PARP1: variants seen among roughly 807,000 people sequenced by gnomAD.
PARP1 encodes the protein poly [ADP-ribose] polymerase 1.
PARP1 carries 44 observed loss-of-function variants against 118.7 expected under a neutral mutation model. That is an observed-to-expected ratio of 0.37 (90% confidence interval 0.29 to 0.48). The LOEUF is 0.48. PARP1 is among the 20% of genes least tolerant of loss of function. The pLI is 0.99. For synonymous variants in PARP1, 492 were observed against 483.2 expected, an observed-to-expected ratio of 1.02 and a Z score of -0.24; for missense variants, 1,100 against 1,272.4, an observed-to-expected ratio of 0.86 and a Z score of 2.06.
chr1:226,366,714 T>G (rs897769308), intron 17 of PARP1: 2 of 156,844 alleles, frequency 1.3e-5, no homozygotes, highest in African/African-American at 4.8e-5. Context: ...GAAGGTGCTC[T>G]AGGGGCAAAA....
chr1:226,407,488 C>A (rs1306758322), intron 1 of PARP1, among the ~76,000 whole-genome samples: 1 of 152,120 alleles, frequency 6.6e-6, no homozygotes, highest in African/African-American at 2.4e-5. Context: ...CAATTCCCCC[C>A]CAACCCCTGA....
intron 2 of PARP1, chr1:226,392,691 T>C: frequency 1.8e-6 from 1 of 541,410 alleles, no homozygotes; most frequent in East Asian, 3.1e-5. Flanking sequence ...TAATTTCCAT[T>C]ATACTTCTAT....
In PARP1 at chr1:226,370,881, G is replaced by A. The variant is rs1449278944; in HGVS notation, c.2071-364C>T. 1.0e-5 allele frequency: 3 copies of A among 290,152 alleles called. 1 individual carries two copies. The South Asian group carries it at 1.2e-4, about 11-fold the overall frequency. The allele number at this position is 290,152 out of a possible 1,614,324, so 18.0% of individuals were successfully genotyped here. The stretch of plus-strand genomic sequence containing the variant: ...AATCATGCTGACCACCCCACCCAGC[G>A]GCCTTCCCTGGGGTCCCAGAGCCAA... On this transcript the variant is annotated intron_variant, in intron 14 of 22. Coordinates refer to ENST00000366794, the MANE Select transcript of PARP1 (RefSeq NM_001618.4).
At chr1:226,372,656 G>C (rs992630346) in intron 14 of PARP1, among the ~76,000 whole-genome samples, 2 of 152,016 alleles carry the variant, frequency 1.3e-5, no homozygotes, top group South Asian at 4.1e-4. Context: ...CCCAGGCGAA[G>C]AGAGTGAAAC....
chr1:226,403,955 G>A lies in PARP1; in HGVS notation c.121-1576C>T, dbSNP rs75742629. On this transcript the variant is annotated intron_variant, in intron 1 of 22. Coordinates refer to ENST00000366794, the MANE Select transcript of PARP1 (RefSeq NM_001618.4). ...ACCCCACTATCTCTCTCCACTGTGA[G>A]TGGCCTCTTTCTGGATGTGATGTAT... is the stretch of plus-strand genomic sequence containing the variant. Among the ~76,000 whole-genome samples the A allele has an allele frequency of 4.6e-3, 699 of 152,336 alleles. 27 individuals are homozygous for A. The South Asian group carries it at 0.085, about 18-fold the overall frequency.
chr1:226,401,300 T>C (rs1665031168), intron 2 of PARP1, among the ~76,000 whole-genome samples: 1 of 152,198 alleles, frequency 6.6e-6, no homozygotes, highest in Admixed American at 6.5e-5. Context: ...GCAGCTTTAT[T>C]GAGGCAGCAG....
At position 226,367,309 on chromosome 1, in the gene PARP1, A is replaced by C. The variant is rs963756680; in HGVS notation, c.2406+171T>G. ...ACACGTGAAACGCCCAAAGGTTCTC[A>C]AAGGACCACCAGCAGCAATGTCCGG... On this transcript the variant is annotated intron_variant, in intron 17 of 22. Coordinates refer to ENST00000366794, the MANE Select transcript of PARP1 (RefSeq NM_001618.4). 5.0e-6 allele frequency: 4 copies of C among 795,658 alleles called. No individual in the cohort carries two copies. The Admixed American group carries it at 5.9e-5, about 12-fold the overall frequency. 49.3% of individuals were successfully genotyped at this position (795,658 alleles called of 1,614,324 possible).
rs879332384 is a variant in PARP1 at position 226,365,999 on chromosome 1, G to A, written c.2460C>T (p.Asn820=). 4.3e-6 allele frequency: 7 copies of A among 1,613,318 alleles called. No individual in the cohort carries two copies. Among genetic ancestry groups the A allele is most frequent in the Admixed American group, 1.7e-5 (1 of 60,002 alleles). ...EAEIIRKYVK[N]THATTHNAYD... is the part of the protein sequence containing the mutation. ...ACGCATTGTGTGTGGTTGCATGAGT[G>A]TTCTTAACATACTTCCTGATGATCT... The change falls in exon 18 of 23, where the codon AAC becomes AAT. Residue 820 remains asparagine (N), a synonymous_variant. Coordinates refer to ENST00000366794, the MANE Select transcript of PARP1 (RefSeq NM_001618.4).
rs779333314 is a variant in PARP1, at chr1:226,361,511, A to G, written c.2994T>C (p.Asn998=). ...EYIVYDIAQV[N]LKYLLKLKFN... ...ATTTCAGTTTCAGCAGATACTTCAG[A>G]TTTACCTGAGCAATATCATAGACAA... Residue 998 remains asparagine, a synonymous_variant, in exon 23 of 23, where the codon AAT becomes AAC. Transcript: ENST00000366794. The G allele has an allele frequency of 2.5e-6, 4 of 1,612,936 alleles. No individual in the cohort carries two copies. Among genetic ancestry groups the G allele is most frequent in the Admixed American group, 1.7e-5 (1 of 60,020 alleles).
chr1:226,368,431 G>T, intron 15 of PARP1, 110 bp from the exon 16 acceptor site: 1 of 1,393,886 alleles, frequency 7.2e-7, no homozygotes, highest in South Asian at 1.2e-5. Context: ...GAAGTAGCGT[G>T]GTATGTGCAC....
intron 13 of PARP1, among the ~76,000 whole-genome samples, chr1:226,374,920 A>C (rs3219104): frequency 0.82 from 124,263 of 152,168 alleles, 51,243 homozygotes; most frequent in South Asian, 0.89. Context: ...CCTCTTCCTA[A>C]GCTGCCTAAT....
intron 12 of PARP1, among the ~76,000 whole-genome samples, chr1:226,377,737 G>C (rs1478044709): frequency 6.6e-6 from 1 of 152,048 alleles, no homozygotes; most frequent in Non-Finnish European, 1.5e-5. Flanking sequence ...AAATGAGGGG[G>C]GCAGTGGCAA....
chr1:226,367,700 G>T, intron 16 of PARP1, 92 bp from the exon 17 acceptor site: 1 of 1,424,270 alleles, frequency 7.0e-7, no homozygotes, highest in Non-Finnish European at 9.8e-7. Flanking sequence ...TGCAGAGAAG[G>T]TCCAACACAG....
In PARP1 at chr1:226,388,759, A is replaced by C; in HGVS notation, c.618-4T>G. ...CACCTCATCGCCTTTTCTCTTTCTGAAGGAGACACAGGATATGAGAGACAG... is the reference window on the plus strand; with the variant it reads ...CACCTCATCGCCTTTTCTCTTTCTGCAGGAGACACAGGATATGAGAGACAG... On this transcript the variant is annotated splice_region_variant and splice_polypyrimidine_tract_variant and intron_variant, in intron 4 of 22. Transcript: ENST00000366794. 1 of 1,608,936 alleles carries C rather than the reference A, an allele frequency of 6.2e-7. No homozygotes were observed. The highest frequency in any genetic ancestry group is 8.5e-7 in the Non-Finnish European group (1 of 1,175,400).
chr1:226,401,404 T>A (rs910599458), intron 2 of PARP1, among the ~76,000 whole-genome samples: 10 of 152,270 alleles, frequency 6.6e-5, no homozygotes, highest in African/African-American at 2.4e-4. Context: ...AAGTCATATT[T>A]ACACCCACTT....
At chr1:226,378,745 G>A (rs1046967771) in intron 12 of PARP1, among the ~76,000 whole-genome samples, 3 of 152,190 alleles carry the variant, frequency 2.0e-5, no homozygotes, top group Non-Finnish European at 2.9e-5. Flanking sequence ...TGAGGTGGGA[G>A]GATTGCTTGA....
At chr1:226,406,970 A>C (rs538558712) in intron 1 of PARP1, among the ~76,000 whole-genome samples, 3 of 152,208 alleles carry the variant, frequency 2.0e-5, no homozygotes, top group African/African-American at 7.2e-5. Flanking sequence ...GGAAGCGAGG[A>C]GGAACAGGGC....
At chr1:226,372,699 A>AAACC (rs1664412111) in intron 14 of PARP1, among the ~76,000 whole-genome samples, 1 of 140,780 alleles carries the variant, frequency 7.1e-6, no homozygotes, top group African/African-American at 2.8e-5. Flanking sequence ...CAAACCAAAC[A>AAACC]CAAAACAACA....
At position 226,390,607 on chromosome 1, in the gene PARP1, G is replaced by C; in HGVS notation, c.420C>G (p.Ser140=). ...EKIEKGQVRL[S]KKMVDPEKPQ... The stretch of plus-strand genomic sequence containing the variant: ...GCTTCTCCGGGTCCACCATCTTCTT[G>C]GACAGGCGCACCTGGCCCTGCAGGA... Residue 140 remains serine (S), a synonymous_variant, in exon 4 of 23, where the codon TCC becomes TCG. Transcript: ENST00000366794. 6.2e-7 allele frequency: 1 copy of C among 1,614,118 alleles called. No homozygotes were observed. The highest frequency in any genetic ancestry group is 8.5e-7 in the Non-Finnish European group (1 of 1,180,010).
Sources: allele counts gnomAD v4.1 joint callset (sites outside exome capture counted in the v4.1 genomes callset), GRCh38; gene constraint gnomAD v4.1.1; transcripts MANE v1.5; gene names NCBI Gene and HGNC (gene_info 2026-07-23, HGNC 2026-07-21).